MYO1A: variants seen among roughly 807,000 people sequenced by gnomAD.
The protein encoded by MYO1A is myosin IA.
Under a neutral mutation model 138.5 loss-of-function variants are expected in MYO1A, and 127 were observed. The ratio of observed to expected loss-of-function variants is 0.92; its 90% CI spans 0.79 to 1.06. MYO1A has a LOEUF of 1.06. Ranked by LOEUF, MYO1A falls within the 50% of genes least tolerant of loss-of-function variation. The pLI is 0.00. For synonymous variants in MYO1A, 477 were observed against 497.5 expected (o/e 0.96, Z 0.55); for missense variants, 1,211 against 1,288.8 (o/e 0.94, Z 0.92).
chr12:57,032,690 A>G (rs1397763473), intron 22 of MYO1A, among the ~76,000 whole-genome samples: 1 of 151,398 alleles, frequency 6.6e-6, no homozygotes, highest in African/African-American at 2.4e-5. Flanking sequence ...AAAAAAGAAG[A>G]AAAAAAAAGG....
At chr12:57,032,113 C>T (rs919816919) in intron 22 of MYO1A, among the ~76,000 whole-genome samples, 11 of 152,242 alleles carry the variant, frequency 7.2e-5, no homozygotes, top group African/African-American at 2.7e-4. Flanking sequence ...GCTCAAAGCC[C>T]TCCCTGATTC....
chr12:57,036,252 A>C, intron 22 of MYO1A, 55 bp downstream of exon 22: 2 of 1,572,520 alleles, frequency 1.3e-6, no homozygotes, highest in Non-Finnish European at 1.7e-6. Flanking sequence ...CCCCTCTCCC[A>C]AACCTGTGCC....
At position 57,028,740 on chromosome 12, in the gene MYO1A, C is replaced by T. The variant is rs772324788; in HGVS notation, c.*15G>A. 6.2e-7 allele frequency: 1 copy of T among 1,613,752 alleles called. No individual in the cohort carries two copies. Among genetic ancestry groups the T allele is most frequent in the South Asian group, 1.1e-5 (1 of 91,024 alleles). ...CAGGAGGAAGCAACTGCCATCTCTG[C>T]ATGGTGCCCCCTCCTCACTGCACAG... On this transcript the variant is annotated 3_prime_UTR_variant, in exon 28 of 28. Transcript: ENST00000300119.
chr12:57,045,889 C>T (rs1191309119), intron 8 of MYO1A, among the ~76,000 whole-genome samples: 6 of 152,182 alleles, frequency 3.9e-5, no homozygotes, highest in Admixed American at 3.9e-4. Flanking sequence ...CTGATGGCCC[C>T]GATCACACAA....
chr12:57,031,183 G>A lies in MYO1A; in HGVS notation c.2350-9C>T, dbSNP rs1293407622. The A allele has an allele frequency of 1.9e-6, 3 of 1,614,080 alleles. No individual in the cohort carries two copies. Among genetic ancestry groups the A allele is most frequent in the Non-Finnish European group, 2.5e-6 (3 of 1,179,996 alleles). On this transcript the variant is annotated splice_polypyrimidine_tract_variant and intron_variant, in intron 22 of 27. Coordinates refer to ENST00000300119, the MANE Select transcript of MYO1A (RefSeq NM_005379.4). ...AGTAGGAATTTCTGTACCTAGTTTG[G>A]GACCAGGGGGATTGGGAGTGGAGTG...
rs771027158 is a variant in MYO1A, at chr12:57,043,967, TCTC to T, written c.778_780del (p.Glu260del). On this transcript the variant is annotated inframe_deletion, in exon 10 of 28. Transcript: ENST00000300119. ...GATGTCACCTCTAGCACTTGTCGAA[TCTC>T]CTCCTCCGAGAACCCAATCACTGCC... is the stretch of plus-strand genomic sequence containing the variant. The T allele has an allele frequency of 5.0e-6, 8 of 1,613,832 alleles. No homozygotes were observed. The Admixed American group carries it at 8.3e-5, about 17-fold the overall frequency.
chr12:57,029,320 G>A (rs1201577838), intron 26 of MYO1A, 61 bp from the exon 27 acceptor site: 10 of 1,612,830 alleles, frequency 6.2e-6, no homozygotes, highest in Non-Finnish European at 8.5e-6. Context: ...GAGCACCTGA[G>A]GGACATCAAA....
chr12:57,047,600 A>T, intron 4 of MYO1A, 27 bp downstream of exon 4: 1 of 1,610,882 alleles, frequency 6.2e-7, no homozygotes, highest in Non-Finnish European at 8.5e-7. Context: ...AGGTGACTCC[A>T]TGTGTTCCCC....
Position 57,028,870 on chromosome 12 carries a change from C to T in MYO1A, c.3017G>A (p.Arg1006Lys). ...TVTVTEKFSVRFKENSVAVKV... is the reference protein window; with the variant it reads ...TVTVTEKFSVKFKENSVAVKV... ...GACAGCCACACTGTTCTCCTTGAACCTCACTGAGAACCTGGAGAGGGAACA... is the reference window on the plus strand; with the variant it reads ...GACAGCCACACTGTTCTCCTTGAACTTCACTGAGAACCTGGAGAGGGAACA... Residue 1006 changes from arginine (R) to lysine (K), a missense_variant, in exon 28 of 28, where the codon AGG (arginine) becomes AAG (lysine). Coordinates refer to ENST00000300119, the MANE Select transcript of MYO1A (RefSeq NM_005379.4). The T allele has an allele frequency of 1.2e-6, 2 of 1,614,066 alleles. No homozygotes were observed. The highest frequency in any genetic ancestry group is 1.3e-5 in the African/African-American group (1 of 75,006).
chr12:57,032,828 G>A (rs1339517485), intron 22 of MYO1A, among the ~76,000 whole-genome samples: 1 of 152,100 alleles, frequency 6.6e-6, no homozygotes, highest in African/African-American at 2.4e-5. Context: ...CAGAAGAATA[G>A]CATAATATGA....
Position 57,036,365 on chromosome 12 carries a change from C to A in MYO1A, c.2291G>T (p.Arg764Leu), listed in dbSNP as rs201751186. The A allele has an allele frequency of 1.9e-6, 3 of 1,613,736 alleles. No homozygotes were observed. The highest frequency in any genetic ancestry group is 2.2e-5 in the South Asian group (2 of 91,062). ...VRGWKARKNYRKYFRSEAALT... is the reference protein window; with the variant it reads ...VRGWKARKNYLKYFRSEAALT... ...GGCAGCCTCTGACCGGAAATATTTG[C>A]GATAATTCTTTCGGGCCTGGCAGAA... The change falls in exon 22 of 28, where the codon CGC becomes CTC. Residue 764 changes from arginine (R) to leucine (L), a missense_variant. Physicochemically the swap from Arg to Leu is moderately radical, Grantham distance 102. Coordinates refer to ENST00000300119, the MANE Select transcript of MYO1A (RefSeq NM_005379.4).
chr12:57,047,649 G>C lies in MYO1A; in HGVS notation c.303C>G (p.Gly101=), dbSNP rs750183012. The change falls in exon 4 of 28, where the codon GGC becomes GGG. Residue 101 remains glycine (G), a synonymous_variant. Transcript: ENST00000300119. ...RDRDQCILIT[G]ESGSGKTEAS... is the part of the protein sequence containing the mutation. ...CACCAGTCTTCCCTGATCCACTCTC[G>C]CCTGTGATGAGGATACACTGGTCTC... 9 of 1,614,048 alleles carry C rather than the reference G, an allele frequency of 5.6e-6. No individual in the cohort carries two copies. In the South Asian group the frequency reaches 7.7e-5, roughly 14 times the overall value.
chr12:57,028,602 G>A lies in MYO1A; in HGVS notation c.*153C>T, dbSNP rs2030091120. The A allele has an allele frequency of 3.0e-6, 3 of 1,009,240 alleles. No individual in the cohort carries two copies. Among genetic ancestry groups the A allele is most frequent in the Non-Finnish European group, 4.4e-6 (3 of 688,056 alleles). 62.5% of individuals were successfully genotyped at this position (1,009,240 alleles called of 1,614,324 possible). A position where few individuals can be genotyped will look rare whatever the true frequency, so the allele number is the denominator to read the frequency against. On this transcript the variant is annotated 3_prime_UTR_variant, in exon 28 of 28. Coordinates refer to ENST00000300119, the MANE Select transcript of MYO1A (RefSeq NM_005379.4). The stretch of plus-strand genomic sequence containing the variant: ...TACTTTTGGAGGAGAGAACAAGAAG[G>A]GTTTGGGACAAGGGTCCTCTTCAAG...
chr12:57,040,238 T>C (rs2030796624), intron 14 of MYO1A, among the ~76,000 whole-genome samples: 1 of 152,256 alleles, frequency 6.6e-6, no homozygotes, highest in Non-Finnish European at 1.5e-5. Context: ...ACTGTGTTGC[T>C]GTAAAAAAGC....
intron 22 of MYO1A, among the ~76,000 whole-genome samples, chr12:57,036,062 C>G (rs985002010): frequency 4.6e-5 from 7 of 152,316 alleles, no homozygotes; most frequent in African/African-American, 1.7e-4. Context: ...TGCTGAGACC[C>G]CTTCCTGCCA....
At chr12:57,047,198 G>A (rs969091793) in intron 5 of MYO1A, 91 bp from the exon 6 acceptor site, 1 of 1,589,410 alleles carries the variant, frequency 6.3e-7, no homozygotes, top group African/African-American at 1.3e-5. Flanking sequence ...ATTTTTCTGG[G>A]TCGAACAAGA....
rs73334782 is a variant in MYO1A, at chr12:57,030,001, C to A, written c.2592-129G>T. ...GTATCCTCTGTCAGTGTCCACAGAG[C>A]ACAGTCCAGGACCAAGACATCAGCA... is the stretch of plus-strand genomic sequence containing the variant. On this transcript the variant is annotated intron_variant, in intron 24 of 27. Transcript: ENST00000300119. 5 of 1,490,542 alleles carry A rather than the reference C, an allele frequency of 3.4e-6. No individual in the cohort carries two copies. In the African/African-American group the frequency reaches 6.9e-5, roughly 21 times the overall value. The allele number at this position is 1,490,542 out of a possible 1,614,324, so 92.3% of individuals were successfully genotyped here.
intron 25 of MYO1A, 61 bp from the exon 26 acceptor site, chr12:57,029,648 C>A: frequency 6.2e-7 from 1 of 1,613,988 alleles, no homozygotes; most frequent in Admixed American, 1.7e-5. Context: ...CTCCACCTGG[C>A]AGGGCGCAAA....
At chr12:57,038,325 ACC>A (rs2030672276) in intron 17 of MYO1A, 85 bp downstream of exon 17, 1 of 1,430,988 alleles carries the variant, frequency 7.0e-7, no homozygotes, top group African/African-American at 1.4e-5. Flanking sequence ...TTCCAGAAGC[ACC>A]CCCACATGGA....
Sources: gnomAD v4.1 joint callset for allele counts (sites outside exome capture counted in the v4.1 genomes callset) on GRCh38, gnomAD v4.1.1 for gene constraint, MANE v1.5 for transcripts, NCBI Gene and HGNC (gene_info 2026-07-23, HGNC 2026-07-21) for gene names.